The following TRAF7 variants were observed in gnomAD, a reference collection of about 807,000 sequenced individuals.
The protein encoded by TRAF7 is TNF receptor associated factor 7.
A neutral mutation model predicts 89.3 loss-of-function variants in TRAF7; 45 were observed. That is an observed-to-expected ratio of 0.50 (90% CI 0.40 to 0.65). TRAF7 has a LOEUF of 0.65. Among genes scored for constraint, TRAF7 ranks in the 30% least tolerant of loss-of-function variants. TRAF7 has a pLI of 0.00. For missense variants in TRAF7, 677 were observed against 918.1 expected (o/e 0.74, Z 3.39); for synonymous variants, 406 against 369.2 (o/e 1.10, Z -1.14).
rs936651280 is a variant in TRAF7 at position 2,177,075 on chromosome 16, C to T, written c.*501C>T. 7 of 282,896 alleles carry T rather than the reference C, an allele frequency of 2.5e-5. 1 individual carries two copies. Among genetic ancestry groups the T allele is most frequent in the Admixed American group, 1.4e-4 (3 of 21,540 alleles). 17.5% of individuals were successfully genotyped at this position (282,896 alleles called of 1,614,324 possible). A position where few individuals can be genotyped will look rare whatever the true frequency, so the allele number is the denominator to read the frequency against. ...TGGACCCCAGGACTTCGGCCCACTCCGGGGCCTCCCCTCCCTGCTAGGAGG... is the reference window on the plus strand; with the variant it reads ...TGGACCCCAGGACTTCGGCCCACTCTGGGGCCTCCCCTCCCTGCTAGGAGG... On this transcript the variant is annotated 3_prime_UTR_variant, in exon 21 of 21. Coordinates refer to ENST00000326181, the MANE Select transcript of TRAF7 (RefSeq NM_032271.3).
intron 2 of TRAF7, 131 bp downstream of exon 2, chr16:2,164,132 G>T (rs1596670081): frequency 1.4e-6 from 1 of 734,690 alleles, no homozygotes; most frequent in Non-Finnish European, 2.2e-6. Context: ...TCGGTGGGGG[G>T]GGGTGTGGTG....
chr16:2,160,304 C>T (rs552857212), intron 1 of TRAF7, among the ~76,000 whole-genome samples: 1 of 151,988 alleles, frequency 6.6e-6, no homozygotes, highest in Non-Finnish European at 1.5e-5. Flanking sequence ...CCACGCACCT[C>T]GCCCCTGAAG....
At chr16:2,156,002 CGGTCGG>C (rs1168937758) in intron 1 of TRAF7, 144 bp downstream of exon 1, 3 of 125,034 alleles carry the variant, frequency 2.4e-5, no homozygotes, top group Non-Finnish European at 5.0e-5. Context: ...GGGGCTGAGA[CGGTCGG>C]GGTCGGGGTC....
intron 1 of TRAF7, among the ~76,000 whole-genome samples, chr16:2,160,166 G>A (rs1398303454): frequency 6.6e-6 from 1 of 152,088 alleles, no homozygotes; most frequent in East Asian, 1.9e-4. Context: ...GTGAATGTGG[G>A]GTGGACAAAG....
chr16:2,176,385 G>A lies in TRAF7; in HGVS notation c.1998+1G>A. The A allele has an allele frequency of 1.2e-6, 2 of 1,609,162 alleles. No individual in the cohort carries two copies. Among genetic ancestry groups the A allele is most frequent in the Non-Finnish European group, 8.5e-7 (1 of 1,179,260 alleles). On this transcript the variant is annotated splice_donor_variant, in intron 20 of 20. Transcript: ENST00000326181. LOFTEE classifies it high-confidence loss of function. Reference sequence around the variant, plus strand: ...AGGGGCTGTGGATAGCACTGTGAAGGTCAGTGCCCGTGGCTCAGGCCATTC... The same window carrying A: ...AGGGGCTGTGGATAGCACTGTGAAGATCAGTGCCCGTGGCTCAGGCCATTC...
intron 2 of TRAF7, among the ~76,000 whole-genome samples, chr16:2,164,459 G>A (rs1467130237): frequency 1.4e-5 from 2 of 143,446 alleles, no homozygotes; most frequent in Non-Finnish European, 3.0e-5. Context: ...GCGTGTTAGT[G>A]CTGCGTGGCC....
chr16:2,163,777 G>A lies in TRAF7; in HGVS notation c.-38-106G>A, dbSNP rs1010677735. 3.5e-5 allele frequency: 26 copies of A among 742,152 alleles called. No homozygotes were observed. The East Asian group carries it at 4.6e-4, about 13-fold the overall frequency. 46.0% of individuals were successfully genotyped at this position (742,152 alleles called of 1,614,324 possible). A position where few individuals can be genotyped will look rare whatever the true frequency, so the allele number is the denominator to read the frequency against. ...GCTGGTGGTGGAAGGCTGCTGCGGC[G>A]GCCCCACGGTGCCCCACAGCAGGTC... is the stretch of plus-strand genomic sequence containing the variant. On this transcript the variant is annotated intron_variant, in intron 1 of 20. Coordinates refer to ENST00000326181, the MANE Select transcript of TRAF7 (RefSeq NM_032271.3). The surrounding 1 kb of genome is among the most constrained non-coding windows in gnomAD (Gnocchi z 4.3).
chr16:2,167,978 T>C (rs2093093074), intron 3 of TRAF7, 99 bp from the exon 4 acceptor site: 1 of 1,107,110 alleles, frequency 9.0e-7, no homozygotes, highest in African/African-American at 1.5e-5. Flanking sequence ...GGCTGTGAGC[T>C]ACAGGGGACC....
intron 1 of TRAF7, among the ~76,000 whole-genome samples, chr16:2,160,740 G>A (rs1314511916): frequency 1.3e-5 from 2 of 152,126 alleles, no homozygotes; most frequent in Non-Finnish European, 2.9e-5. Flanking sequence ...GAACTGGAGG[G>A]CAGAGAGGCC....
At chr16:2,165,350 A>G (rs1162860889) in intron 2 of TRAF7, among the ~76,000 whole-genome samples, 3 of 138,324 alleles carry the variant, frequency 2.2e-5, no homozygotes, top group Non-Finnish European at 4.6e-5. Flanking sequence ...CGCATGGTTA[A>G]GCGTGTGAGT....
intron 17 of TRAF7, 22 bp from the exon 18 acceptor site, chr16:2,175,812 A>G (rs369432026): frequency 1.2e-6 from 2 of 1,611,228 alleles, no homozygotes; most frequent in Non-Finnish European, 1.7e-6. Context: ...CCTGGGACCA[A>G]CTGGCCCACG....
At chr16:2,171,727 G>A in intron 7 of TRAF7, 122 bp downstream of exon 7, 1 of 1,470,774 alleles carries the variant, frequency 6.8e-7, no homozygotes, top group South Asian at 1.2e-5. Flanking sequence ...TGCTGGGGTT[G>A]GGATGGGGCT....
In TRAF7 at chr16:2,176,794, C is replaced by T. The variant is rs979899303; in HGVS notation, c.*220C>T. The T allele has an allele frequency of 2.4e-5, 16 of 673,374 alleles. No homozygotes were observed. Among genetic ancestry groups the T allele is most frequent in the South Asian group, 1.4e-4 (8 of 56,256 alleles). 41.7% of individuals were successfully genotyped at this position (673,374 alleles called of 1,614,324 possible). On this transcript the variant is annotated 3_prime_UTR_variant, in exon 21 of 21. Transcript: ENST00000326181. Reference sequence around the variant, plus strand: ...GCCCCTCTCTGGGTGCCAGGTACGACGCTTGCCCCGGCCCACCCTCCATCC... The same window carrying T: ...GCCCCTCTCTGGGTGCCAGGTACGATGCTTGCCCCGGCCCACCCTCCATCC...
In TRAF7 at chr16:2,158,711, C is replaced by T. The variant is rs145098485; in HGVS notation, c.-39+2853C>T. On this transcript the variant is annotated intron_variant, in intron 1 of 20. Transcript: ENST00000326181. The surrounding 1 kb of genome is among the most constrained non-coding windows in gnomAD (Gnocchi z 4.7). The stretch of plus-strand genomic sequence containing the variant: ...GAAGGAAGGAGGGAGCCCGGGAGAC[C>T]GAGCCACACAGGAAGCAAATGAGAA... Among the ~76,000 whole-genome samples the T allele has an allele frequency of 2.7e-5, 4 of 146,886 alleles. No homozygotes were observed. The highest frequency in any genetic ancestry group is 2.0e-4 in the East Asian group (1 of 4,908).
chr16:2,178,101 C>T lies in TRAF7; in HGVS notation c.*1527C>T. 1 of 504,772 alleles carries T rather than the reference C, an allele frequency of 2.0e-6. No individual in the cohort carries two copies. The allele number at this position is 504,772 out of a possible 1,614,324, so 31.3% of individuals were successfully genotyped here. On this transcript the variant is annotated 3_prime_UTR_variant, in exon 21 of 21. Coordinates refer to ENST00000326181, the MANE Select transcript of TRAF7 (RefSeq NM_032271.3). Reference sequence around the variant, plus strand: ...CTGGGGAAATCCGCCTCAGCTCATTCCCAATAAATTAATACTCTTGATAGC... The same window carrying T: ...CTGGGGAAATCCGCCTCAGCTCATTTCCAATAAATTAATACTCTTGATAGC...
rs375968017 is a variant in TRAF7, at chr16:2,168,158, A to G, written c.221A>G (p.Glu74Gly). 6.2e-7 allele frequency: 1 copy of G among 1,610,774 alleles called. No homozygotes were observed. The highest frequency in any genetic ancestry group is 8.5e-7 in the Non-Finnish European group (1 of 1,179,320). Reference protein sequence around the residue: ...STLAYSPRDEEDSMPPISTPR... With the variant: ...STLAYSPRDEGDSMPPISTPR... ...CTTGCCTACTCCCCGCGGGACGAGG[A>G]GGACAGCATGGTAGGTCCCTACCCC... Residue 74 changes from glutamate to glycine, a missense_variant, in exon 4 of 21, where the codon GAG (glutamate) becomes GGG (glycine). Transcript: ENST00000326181. This position sits in a 1 kb window ranked among gnomAD's most constrained non-coding sequence, Gnocchi z 4.1.
intron 9 of TRAF7, 108 bp downstream of exon 9, chr16:2,172,707 C>A: frequency 7.6e-7 from 1 of 1,323,816 alleles, no homozygotes; most frequent in Non-Finnish European, 1.0e-6. Flanking sequence ...GGAGCTGGGG[C>A]CACACCGGGG....
At chr16:2,164,065 G>C in intron 2 of TRAF7, 64 bp downstream of exon 2, 1 of 1,472,630 alleles carries the variant, frequency 6.8e-7, no homozygotes, top group Non-Finnish European at 9.2e-7. Context: ...CAGGGATCTG[G>C]TGTTGCCTGC....
rs1159971154 is a variant in TRAF7 at position 2,162,861 on chromosome 16, G to A, written c.-38-1022G>A. 6.6e-6 allele frequency among the ~76,000 whole-genome samples: 1 copy of A among 152,094 alleles called. No homozygotes were observed. The highest frequency in any genetic ancestry group is 1.5e-5 in the Non-Finnish European group (1 of 68,002). ...CGCTATCCGCTGCCAGCAGGAGACA[G>A]GGCTGTCCCAGCTGCATTCTGCCAG... On this transcript the variant is annotated intron_variant, in intron 1 of 20. Transcript: ENST00000326181. The surrounding 1 kb of genome is among the most constrained non-coding windows in gnomAD (Gnocchi z 5.0).
Sources: allele counts gnomAD v4.1 joint callset (sites outside exome capture counted in the v4.1 genomes callset), GRCh38; gene constraint gnomAD v4.1.1; non-coding constraint Gnocchi (gnomAD v3.1); transcripts MANE v1.5; gene names NCBI Gene and HGNC (gene_info 2026-07-23, HGNC 2026-07-21).